PPFIA2: variants seen among roughly 807,000 people sequenced by gnomAD.
PPFIA2 encodes the protein PPFI scaffold protein A2.
PPFIA2 carries 46 observed loss-of-function variants against 175.5 expected under a neutral mutation model. That is an observed-to-expected ratio of 0.26 (90% CI 0.21 to 0.34). The LOEUF (loss-of-function observed/expected upper bound fraction) is 0.34. Ranked by LOEUF, PPFIA2 falls within the 10% of genes least tolerant of loss-of-function variation. The pLI is 1.00. For missense variants in PPFIA2, 1,179 were observed against 1,506.1 expected (o/e 0.78, Z 3.60); for synonymous variants, 568 against 511.4 (o/e 1.11, Z -1.49).
chr12:81,647,865 A>C, intron 4 of PPFIA2, among the ~76,000 whole-genome samples: 1 of 142,362 alleles, frequency 7.0e-6, no homozygotes, highest in East Asian at 2.0e-4. Context: ...CATATATAAT[A>C]TAATATATAT....
chr12:81,688,328 GAGA>G (rs1444851817), intron 3 of PPFIA2, among the ~76,000 whole-genome samples: 2 of 151,848 alleles, frequency 1.3e-5, no homozygotes, highest in African/African-American at 4.8e-5. Flanking sequence ...TATAGCCACT[GAGA>G]AGAAGAATTC....
At chr12:81,533,939 T>A (rs1027222499) in intron 4 of PPFIA2, among the ~76,000 whole-genome samples, 2 of 151,640 alleles carry the variant, frequency 1.3e-5, no homozygotes, top group African/African-American at 4.8e-5. Flanking sequence ...AAAAAACGAA[T>A]GGGTAAAGAA....
intron 8 of PPFIA2, among the ~76,000 whole-genome samples, chr12:81,388,911 T>C (rs2039538610): frequency 6.6e-6 from 1 of 151,458 alleles, no homozygotes; most frequent in East Asian, 1.9e-4. Flanking sequence ...TGACGCATGG[T>C]ATAGGCATGT....
chr12:81,275,679 C>T (rs1052210273), intron 28 of PPFIA2, among the ~76,000 whole-genome samples: 2 of 151,974 alleles, frequency 1.3e-5, no homozygotes, highest in African/African-American at 4.8e-5. Context: ...TTGCACATAT[C>T]AACTCTTGGA....
chr12:81,284,198 A>G (rs1448911993), intron 25 of PPFIA2, 43 bp downstream of exon 25: 1 of 1,449,750 alleles, frequency 6.9e-7, no homozygotes, highest in African/African-American at 1.4e-5. Flanking sequence ...AAAGAGCAGC[A>G]AAGTCACTTT....
rs80283399 is a variant in PPFIA2 at position 81,455,062 on chromosome 12, C to G, written c.405+2703G>C. 4.8e-3 allele frequency among the ~76,000 whole-genome samples: 735 copies of G among 152,230 alleles called. 5 individuals carry two copies. Among genetic ancestry groups the G allele is most frequent in the African/African-American group, 0.015 (606 of 41,542 alleles). On this transcript the variant is annotated intron_variant, in intron 5 of 32. Coordinates refer to ENST00000549396, the MANE Select transcript of PPFIA2 (RefSeq NM_003625.5). ...CACAATCTGACACCAATTAAAGTTT[C>G]TTTACATGTGAGAAGGAAACACTAG...
intron 9 of PPFIA2, among the ~76,000 whole-genome samples, chr12:81,380,188 G>GA (rs1412652559): frequency 2.0e-5 from 3 of 151,936 alleles, no homozygotes; most frequent in African/African-American, 7.3e-5. Context: ...AACATAGTGG[G>GA]ACCCTTTCTC....
chr12:81,637,190 C>T (rs1251066062), intron 4 of PPFIA2, among the ~76,000 whole-genome samples: 1 of 149,510 alleles, frequency 6.7e-6, no homozygotes, highest in African/African-American at 2.5e-5. Context: ...CTGCCTCAGC[C>T]TCCCAAGTAG....
At chr12:81,623,788 G>A (rs140040582) in intron 4 of PPFIA2, among the ~76,000 whole-genome samples, 1 of 151,856 alleles carries the variant, frequency 6.6e-6, no homozygotes, top group Non-Finnish European at 1.5e-5. Flanking sequence ...GTGAAAGTAA[G>A]AGCATGATAC....
intron 4 of PPFIA2, among the ~76,000 whole-genome samples, chr12:81,550,149 G>A (rs988045069): frequency 1.3e-5 from 2 of 151,778 alleles, no homozygotes; most frequent in South Asian, 2.1e-4. Context: ...CTGCCCTTTC[G>A]AAACTCTGTC....
chr12:81,498,391 T>C (rs1272646177), intron 4 of PPFIA2, among the ~76,000 whole-genome samples: 1 of 152,166 alleles, frequency 6.6e-6, no homozygotes, highest in Non-Finnish European at 1.5e-5. Context: ...TTTGTGACAA[T>C]TTCTCAGTCT....
intron 8 of PPFIA2, among the ~76,000 whole-genome samples, chr12:81,392,660 G>C (rs1032325703): frequency 1.3e-5 from 2 of 151,792 alleles, no homozygotes; most frequent in Admixed American, 6.6e-5. Flanking sequence ...TCTATTAAAA[G>C]TTTAAATCTT....
intron 8 of PPFIA2, among the ~76,000 whole-genome samples, chr12:81,393,490 A>G (rs2040535413): frequency 6.6e-6 from 1 of 152,076 alleles, no homozygotes; most frequent in South Asian, 2.1e-4. Context: ...AAGGAAGAAT[A>G]TTTAATAGAA....
intron 21 of PPFIA2, among the ~76,000 whole-genome samples, chr12:81,335,804 G>T (rs1399617731): frequency 6.6e-6 from 1 of 151,956 alleles, no homozygotes; most frequent in Non-Finnish European, 1.5e-5. Flanking sequence ...AAAATACAAA[G>T]AAATAGAAAT....
rs147801672 is a variant in PPFIA2, at chr12:81,519,429, A to T, written c.304-61563T>A. Reference sequence around the variant, plus strand: ...AAATCAACCATGACAAGCTATTAATAGGAAATGGAGAAGAAAATTACATTA... The same window carrying T: ...AAATCAACCATGACAAGCTATTAATTGGAAATGGAGAAGAAAATTACATTA... On this transcript the variant is annotated intron_variant, in intron 4 of 32. Transcript: ENST00000549396. Among the ~76,000 whole-genome samples, 259 of 152,320 alleles carry T rather than the reference A, an allele frequency of 1.7e-3. 2 individuals carry two copies. Among genetic ancestry groups the T allele is most frequent in the African/African-American group, 6.1e-3 (253 of 41,572 alleles).
chr12:81,434,229 C>T (rs1277901541), intron 7 of PPFIA2, among the ~76,000 whole-genome samples: 1 of 151,864 alleles, frequency 6.6e-6, no homozygotes, highest in Admixed American at 6.6e-5. Context: ...ACATATATCA[C>T]TATATTGTTA....
chr12:81,384,459 G>T (rs944893686), intron 8 of PPFIA2, among the ~76,000 whole-genome samples: 1 of 152,024 alleles, frequency 6.6e-6, no homozygotes, highest in Admixed American at 6.6e-5. Context: ...CAGTTTAATA[G>T]ATGTATTTGA....
At chr12:81,347,486 C>G in intron 18 of PPFIA2, 47 bp downstream of exon 18, 1 of 1,464,412 alleles carries the variant, frequency 6.8e-7, no homozygotes, top group Non-Finnish European at 9.6e-7. Context: ...GCTAAAGCAT[C>G]ATTAATCTTA....
chr12:81,394,808 TAAA>T (rs10718613), intron 8 of PPFIA2, among the ~76,000 whole-genome samples: 1 of 136,802 alleles, frequency 7.3e-6, no homozygotes, highest in Non-Finnish European at 1.6e-5. Flanking sequence ...TCCCAGAAGT[TAAA>T]AAAAAAAAAA....
Sources: gnomAD v4.1 joint callset for allele counts (sites outside exome capture counted in the v4.1 genomes callset) on GRCh38, gnomAD v4.1.1 for gene constraint, MANE v1.5 for transcripts, NCBI Gene and HGNC (gene_info 2026-07-23, HGNC 2026-07-21) for gene names.